The following ABLIM3 variants were observed in gnomAD, a reference collection of about 807,000 sequenced individuals.
ABLIM3 encodes actin-binding LIM protein 3.
ABLIM3 carries 61 observed loss-of-function variants against 109.5 expected under a neutral mutation model. The observed-to-expected ratio is 0.56, with a 90% confidence interval of 0.45 to 0.69. The LOEUF is 0.69. Ranked by LOEUF, ABLIM3 falls within the 30% of genes least tolerant of loss-of-function variation. The pLI is 0.00. For missense variants in ABLIM3, 796 were observed against 889.5 expected, an observed-to-expected ratio of 0.89 and a Z score of 1.34; for synonymous variants, 300 against 324.8, an observed-to-expected ratio of 0.92 and a Z score of 0.82.
In ABLIM3 at chr5:149,258,283, T is replaced by G; in HGVS notation, c.1939-8T>G. 1 of 1,574,920 alleles carries G rather than the reference T, an allele frequency of 6.3e-7. No homozygotes were observed. Among genetic ancestry groups the G allele is most frequent in the Non-Finnish European group, 8.7e-7 (1 of 1,149,178 alleles). On this transcript the variant is annotated splice_polypyrimidine_tract_variant and splice_region_variant and intron_variant, in intron 23 of 23. Coordinates refer to ENST00000309868, the MANE Select transcript of ABLIM3 (RefSeq NM_014945.5). The stretch of plus-strand genomic sequence containing the variant: ...TCCCCCCACCCCCGCCTGCCCTGCC[T>G]CCTTCAGCGCCACCTGTCCCAGGAA...
chr5:149,250,383 G>T, intron 19 of ABLIM3, 64 bp from the exon 20 acceptor site: 1 of 1,552,796 alleles, frequency 6.4e-7, no homozygotes, highest in South Asian at 1.1e-5. Flanking sequence ...GTAGCCAGAT[G>T]ACCTCAGGGA....
At chr5:149,195,593 G>A (rs902041566) in intron 3 of ABLIM3, among the ~76,000 whole-genome samples, 3 of 152,162 alleles carry the variant, frequency 2.0e-5, no homozygotes, top group African/African-American at 7.2e-5. Context: ...GTGGCTCTGG[G>A]GGTGGAGTTG....
chr5:149,230,562 G>A (rs1761751014), intron 8 of ABLIM3, 87 bp from the exon 9 acceptor site: 2 of 1,435,724 alleles, frequency 1.4e-6, no homozygotes, highest in Admixed American at 1.7e-5. Flanking sequence ...GACATACGCT[G>A]ACCACGGAGT....
chr5:149,206,900 C>T, intron 5 of ABLIM3, 108 bp from the exon 6 acceptor site: 1 of 1,470,076 alleles, frequency 6.8e-7, no homozygotes, highest in Non-Finnish European at 9.2e-7. Flanking sequence ...GTGGGAGCAA[C>T]TATGGGAACA....
At chr5:149,193,329 T>G (rs1757669751) in intron 3 of ABLIM3, among the ~76,000 whole-genome samples, 1 of 152,040 alleles carries the variant, frequency 6.6e-6, no homozygotes, top group Non-Finnish European at 1.5e-5. Context: ...ATTGCATTTG[T>G]ATTCACCATT....
rs766706482 is a variant in ABLIM3, at chr5:149,210,717, T to G, written c.576-9T>G. ...AACTTCCTCATCCTATGTGAACTTCTTCTTGCAGGGATGGTGTTCCATACT... is the reference window on the plus strand; with the variant it reads ...AACTTCCTCATCCTATGTGAACTTCGTCTTGCAGGGATGGTGTTCCATACT... On this transcript the variant is annotated splice_polypyrimidine_tract_variant and intron_variant, in intron 6 of 23. Coordinates refer to ENST00000309868, the MANE Select transcript of ABLIM3 (RefSeq NM_014945.5). 2 of 1,613,640 alleles carry G rather than the reference T, an allele frequency of 1.2e-6. No homozygotes were observed. Among genetic ancestry groups the G allele is most frequent in the South Asian group, 2.2e-5 (2 of 91,056 alleles).
chr5:149,249,612 C>G (rs1315863299), intron 18 of ABLIM3, among the ~76,000 whole-genome samples: 1 of 152,184 alleles, frequency 6.6e-6, no homozygotes, highest in Admixed American at 6.5e-5. Flanking sequence ...AGGTGCCAGG[C>G]TGGGAGCTGG....
At chr5:149,213,708 C>T (rs570590964) in intron 7 of ABLIM3, among the ~76,000 whole-genome samples, 1 of 152,278 alleles carries the variant, frequency 6.6e-6, no homozygotes, top group South Asian at 2.1e-4. Flanking sequence ...CCGAGAGTTA[C>T]CGTTGTTTAG....
chr5:149,191,575 G>A (rs1299551133), intron 3 of ABLIM3, among the ~76,000 whole-genome samples: 3 of 150,990 alleles, frequency 2.0e-5, no homozygotes, highest in Non-Finnish European at 2.9e-5. Context: ...ATTTGAGCCA[G>A]CACAATACCA....
At chr5:149,238,740 C>T (rs1198760147) in intron 11 of ABLIM3, among the ~76,000 whole-genome samples, 1 of 152,226 alleles carries the variant, frequency 6.6e-6, no homozygotes, top group African/African-American at 2.4e-5. Flanking sequence ...CTGCCCTCTT[C>T]AGTCGAGACA....
chr5:149,187,860 C>T (rs554310247), intron 3 of ABLIM3, among the ~76,000 whole-genome samples: 1 of 152,262 alleles, frequency 6.6e-6, no homozygotes, highest in Admixed American at 6.5e-5. Context: ...ATTTGTTTAG[C>T]CTGTGCGGTC....
intron 3 of ABLIM3, among the ~76,000 whole-genome samples, chr5:149,196,786 T>C (rs1698361328): frequency 6.6e-6 from 1 of 152,236 alleles, no homozygotes; most frequent in African/African-American, 2.4e-5. Context: ...TTTTGCATCT[T>C]TCTGCTCTGC....
intron 3 of ABLIM3, among the ~76,000 whole-genome samples, chr5:149,190,795 T>C (rs1464251632): frequency 2.0e-5 from 3 of 151,750 alleles, no homozygotes; most frequent in African/African-American, 7.3e-5. Context: ...TTATAAAATA[T>C]GTTCTGTAAG....
chr5:149,251,412 C>T lies in ABLIM3; in HGVS notation c.1842C>T (p.Gly614=). 1 of 1,614,116 alleles carries T rather than the reference C, an allele frequency of 6.2e-7. No individual in the cohort carries two copies. Among genetic ancestry groups the T allele is most frequent in the African/African-American group, 1.3e-5 (1 of 75,058 alleles). ...ACAGCATGAACGCAGTCAACTGGGG[C>T]ATGCGAGGTGAGTGCAGGCCTGCAG... ...HYDSMNAVNW[G]MREYKIYPYE... Residue 614 remains glycine (G), a synonymous_variant, in exon 21 of 24, where the codon GGC becomes GGT. Transcript: ENST00000309868.
intron 7 of ABLIM3, among the ~76,000 whole-genome samples, chr5:149,213,794 T>C (rs1759791423): frequency 6.6e-6 from 1 of 150,926 alleles, no homozygotes; most frequent in African/African-American, 2.4e-5. Context: ...AAGGCTCCAT[T>C]AGCATCTTCG....
chr5:149,247,453 A>G (rs1651999928), intron 17 of ABLIM3, among the ~76,000 whole-genome samples: 1 of 152,234 alleles, frequency 6.6e-6, no homozygotes, highest in African/African-American at 2.4e-5. Flanking sequence ...GAAGTTAAGT[A>G]ATTTTCACCT....
intron 6 of ABLIM3, among the ~76,000 whole-genome samples, chr5:149,207,829 C>T (rs1368209509): frequency 1.3e-5 from 2 of 152,154 alleles, no homozygotes. Context: ...CATAGTTATC[C>T]AGAGGGGCCA....
intron 1 of ABLIM3, 52 bp from the exon 2 acceptor site, chr5:149,141,957 G>A (rs1247102396): frequency 4.1e-6 from 5 of 1,232,814 alleles, no homozygotes; most frequent in African/African-American, 3.0e-5. Context: ...CAGAGGGAGA[G>A]AGAGCACCTG....
chr5:149,175,442 A>C (rs187323740), intron 2 of ABLIM3, among the ~76,000 whole-genome samples: 10 of 152,304 alleles, frequency 6.6e-5, no homozygotes, highest in Admixed American at 4.6e-4. Flanking sequence ...GGAGGGCAGA[A>C]AGGGCTTCTT....
Sources: gnomAD v4.1 joint callset for allele counts (sites outside exome capture counted in the v4.1 genomes callset) on GRCh38, gnomAD v4.1.1 for gene constraint, MANE v1.5 for transcripts, NCBI Gene and HGNC (gene_info 2026-07-23, HGNC 2026-07-21) for gene names.